The following ROBO2 variants were observed in gnomAD, a reference collection of about 807,000 sequenced individuals.
The protein encoded by ROBO2 is roundabout homolog 2.
ROBO2 carries 53 observed loss-of-function variants against 160.8 expected under a neutral mutation model. The observed-to-expected ratio is 0.33, with a 90% CI of 0.26 to 0.41. The LOEUF (loss-of-function observed/expected upper bound fraction) is 0.41. Ranked by LOEUF, ROBO2 falls within the 10% of genes least tolerant of loss-of-function variation. The pLI is 1.00. For missense variants in ROBO2, 1,577 were observed against 1,722.4 expected (o/e 0.92, Z 1.49); for synonymous variants, 664 against 611.7 (o/e 1.09, Z -1.26).
chr3:77,211,557 GT>G (rs1407672068), intron 2 of ROBO2, among the ~76,000 whole-genome samples: 1 of 152,148 alleles, frequency 6.6e-6, no homozygotes, highest in African/African-American at 2.4e-5. Flanking sequence ...TCCTTTTGCT[GT>G]GCAGAAGCTC....
At chr3:77,383,264 C>T (rs1360682467) in intron 2 of ROBO2, among the ~76,000 whole-genome samples, 1 of 151,896 alleles carries the variant, frequency 6.6e-6, no homozygotes, top group East Asian at 1.9e-4. Context: ...AATAATTGTG[C>T]TTTAACTCAA....
chr3:76,198,223 G>C (rs1177334115), intron 2 of ROBO2, among the ~76,000 whole-genome samples: 1 of 150,374 alleles, frequency 6.7e-6, no homozygotes, highest in East Asian at 2.0e-4. Flanking sequence ...AACATGGTGG[G>C]AAAGGGAGAT....
At chr3:76,376,462 T>C (rs1048240159) in intron 2 of ROBO2, among the ~76,000 whole-genome samples, 1 of 152,152 alleles carries the variant, frequency 6.6e-6, no homozygotes, top group African/African-American at 2.4e-5. Flanking sequence ...TCCCCATGTA[T>C]GCTTTTAATC....
At chr3:76,710,158 C>T (rs868365807) in intron 2 of ROBO2, among the ~76,000 whole-genome samples, 4 of 150,890 alleles carry the variant, frequency 2.7e-5, no homozygotes, top group African/African-American at 9.7e-5. Context: ...CTCACTCTGT[C>T]GCGCCAAGCT....
At chr3:76,002,603 A>C (rs7628122) in intron 2 of ROBO2, among the ~76,000 whole-genome samples, 1 of 151,780 alleles carries the variant, frequency 6.6e-6, no homozygotes, top group Non-Finnish European at 1.5e-5. Flanking sequence ...TGAGCCTTTA[A>C]TCTTCTGCCA....
chr3:76,781,544 C>T (rs111977049), intron 2 of ROBO2, among the ~76,000 whole-genome samples: 104 of 150,654 alleles, frequency 6.9e-4, no homozygotes, highest in African/African-American at 2.4e-3. Flanking sequence ...TTACATTTGA[C>T]CTTTATTATG....
At chr3:76,090,646 T>G (rs1053782079) in intron 2 of ROBO2, among the ~76,000 whole-genome samples, 1 of 152,120 alleles carries the variant, frequency 6.6e-6, no homozygotes, top group African/African-American at 2.4e-5. Flanking sequence ...AATTTAATAT[T>G]GAAGAAGAAT....
intron 2 of ROBO2, among the ~76,000 whole-genome samples, chr3:77,214,311 T>C (rs1378230332): frequency 2.6e-5 from 4 of 152,222 alleles, no homozygotes; most frequent in African/African-American, 9.6e-5. Flanking sequence ...TCTTGTTGAA[T>C]TGATCCCTTT....
At chr3:76,632,617 A>T (rs543504948) in intron 2 of ROBO2, among the ~76,000 whole-genome samples, 2 of 152,356 alleles carry the variant, frequency 1.3e-5, no homozygotes, top group African/African-American at 4.8e-5. Flanking sequence ...ATACTGTCAC[A>T]TTAAGAATAT....
chr3:77,348,221 A>G (rs1032308251), intron 2 of ROBO2, among the ~76,000 whole-genome samples: 2 of 152,010 alleles, frequency 1.3e-5, no homozygotes, highest in African/African-American at 2.4e-5. Context: ...AAGAACGGCT[A>G]CTCCACAGAC....
intron 2 of ROBO2, among the ~76,000 whole-genome samples, chr3:76,050,247 C>G (rs2067608965): frequency 6.6e-6 from 1 of 152,156 alleles, no homozygotes. Context: ...GTCCTCAGGT[C>G]TCCATCTTTC....
At chr3:76,148,343 T>G (rs4856009) in intron 2 of ROBO2, among the ~76,000 whole-genome samples, 125,944 of 151,880 alleles carry the variant, frequency 0.83, 55,160 homozygotes, top group Non-Finnish European at 0.98. Flanking sequence ...TGTCATCTAG[T>G]GGGATAATTT....
At chr3:76,294,519 T>C (rs753535794) in intron 2 of ROBO2, among the ~76,000 whole-genome samples, 7 of 152,172 alleles carry the variant, frequency 4.6e-5, no homozygotes, top group African/African-American at 1.4e-4. Context: ...CTATTTTCCA[T>C]TGAGCTCATT....
At chr3:77,540,355 A>G (rs1053799086) in intron 6 of ROBO2, among the ~76,000 whole-genome samples, 12 of 152,214 alleles carry the variant, frequency 7.9e-5, no homozygotes, top group Admixed American at 1.3e-4. Context: ...TTAGTTAATC[A>G]GATCTTGGTT....
At chr3:76,438,623 C>A (rs1387060203) in intron 2 of ROBO2, among the ~76,000 whole-genome samples, 3 of 151,822 alleles carry the variant, frequency 2.0e-5, no homozygotes, top group African/African-American at 7.3e-5. Flanking sequence ...AGATTAAATT[C>A]CAGACTGTGT....
At chr3:77,182,709 T>G (rs1443529047) in intron 2 of ROBO2, among the ~76,000 whole-genome samples, 3 of 152,034 alleles carry the variant, frequency 2.0e-5, no homozygotes, top group Non-Finnish European at 4.4e-5. Context: ...TCCCTGAAAC[T>G]GCAATGAGTT....
chr3:76,856,983 T>A (rs2070169522), intron 2 of ROBO2, among the ~76,000 whole-genome samples: 1 of 152,148 alleles, frequency 6.6e-6, no homozygotes, highest in South Asian at 2.1e-4. Flanking sequence ...TAAACACGAA[T>A]GCGTGCTTTT....
At chr3:77,290,170 C>G (rs1264792687) in intron 2 of ROBO2, among the ~76,000 whole-genome samples, 1 of 146,636 alleles carries the variant, frequency 6.8e-6, no homozygotes, top group Admixed American at 6.8e-5. Flanking sequence ...GCTAGATCAC[C>G]CAAGACACAA....
At chr3:77,045,587 A>G (rs1578488234) in intron 1 of ROBO2, among the ~76,000 whole-genome samples, 1 of 152,180 alleles carries the variant, frequency 6.6e-6, no homozygotes, top group South Asian at 2.1e-4. Context: ...CTTTCTAGCC[A>G]TTCCCATCAC....
Sources: gnomAD v4.1 joint callset for allele counts (sites outside exome capture counted in the v4.1 genomes callset) on GRCh38, gnomAD v4.1.1 for gene constraint, MANE v1.5 for transcripts, NCBI Gene and HGNC (gene_info 2026-07-23, HGNC 2026-07-21) for gene names.